Variants in ERBB4 observed in about 807,000 individuals in gnomAD.
ERBB4 encodes the protein receptor tyrosine-protein kinase erbB-4.
In ERBB4, 42 loss-of-function variants were observed where a neutral mutation model predicts 158.0. The ratio of observed to expected loss-of-function variants is 0.27; its 90% CI spans 0.21 to 0.34. The LOEUF (loss-of-function observed/expected upper bound fraction) is 0.34, where lower values mean the gene tolerates loss of function less well. Among genes scored for constraint, ERBB4 ranks in the 10% least tolerant of loss-of-function variants. ERBB4 has a pLI of 1.00. For missense variants in ERBB4, 1,333 were observed against 1,624.1 expected (o/e 0.82, Z 3.08); for synonymous variants, 583 against 558.7 (o/e 1.04, Z -0.61).
intron 20 of ERBB4, among the ~76,000 whole-genome samples, chr2:211,550,613 CTCTATATATGAATATA>C (rs1231385012): frequency 7.2e-6 from 1 of 138,398 alleles, no homozygotes; most frequent in Non-Finnish European, 1.5e-5. Context: ...AGATATCTAT[CTCTATATATGAATATA>C]TCTATATATG....
intron 1 of ERBB4, among the ~76,000 whole-genome samples, chr2:212,128,736 G>T (rs879870233): frequency 9.2e-5 from 14 of 152,208 alleles, no homozygotes; most frequent in Non-Finnish European, 1.8e-4. Flanking sequence ...TGAAATTACA[G>T]TATCATTCCT....
chr2:212,372,964 A>C (rs2090140422), intron 1 of ERBB4, among the ~76,000 whole-genome samples: 1 of 152,188 alleles, frequency 6.6e-6, no homozygotes, highest in Admixed American at 6.6e-5. Flanking sequence ...GACTGTACTG[A>C]AGAGCAAAAA....
chr2:211,985,954 T>C (rs577293501), intron 2 of ERBB4, among the ~76,000 whole-genome samples: 1 of 152,308 alleles, frequency 6.6e-6, no homozygotes, highest in South Asian at 2.1e-4. Context: ...TGTGACCTTA[T>C]TTGGAAATAG....
At chr2:211,682,093 A>ACACACAG (rs2072370842) in intron 12 of ERBB4, among the ~76,000 whole-genome samples, 2 of 75,548 alleles carry the variant, frequency 2.6e-5, no homozygotes, top group African/African-American at 9.3e-5. Context: ...CACACACACA[A>ACACACAG]TTGGCTCACA....
chr2:211,888,961 G>A (rs957362547), intron 3 of ERBB4, among the ~76,000 whole-genome samples: 147 of 150,868 alleles, frequency 9.7e-4, no homozygotes, highest in Admixed American at 2.7e-3. Flanking sequence ...AGGCAGCAGC[G>A]AGGCTGGGGG....
intron 1 of ERBB4, among the ~76,000 whole-genome samples, chr2:212,274,447 A>T (rs2106127832): frequency 6.6e-6 from 1 of 151,994 alleles, no homozygotes; most frequent in Non-Finnish European, 1.5e-5. Flanking sequence ...TGCTGAGATG[A>T]TTAGCATCAC....
At chr2:211,769,057 T>C (rs1215265313) in intron 4 of ERBB4, among the ~76,000 whole-genome samples, 2 of 152,222 alleles carry the variant, frequency 1.3e-5, no homozygotes, top group African/African-American at 4.8e-5. Flanking sequence ...TAGTCATATC[T>C]TGAATGCTTT....
At chr2:212,447,919 A>C (rs2092387082) in intron 1 of ERBB4, among the ~76,000 whole-genome samples, 1 of 152,020 alleles carries the variant, frequency 6.6e-6, no homozygotes, top group Admixed American at 6.6e-5. Flanking sequence ...CTTTCACAAA[A>C]AAAGCTCTTC....
intron 1 of ERBB4, among the ~76,000 whole-genome samples, chr2:212,128,110 G>GC (rs1368410188): frequency 6.6e-6 from 1 of 152,080 alleles, no homozygotes; most frequent in Admixed American, 6.6e-5. Context: ...CTTCCTCCAA[G>GC]CCCTTTATAC....
chr2:212,448,805 T>A (rs2092402689), intron 1 of ERBB4, among the ~76,000 whole-genome samples: 1 of 152,134 alleles, frequency 6.6e-6, no homozygotes, highest in Non-Finnish European at 1.5e-5. Context: ...ACTTTGTTTA[T>A]CCATCCCAGA....
chr2:212,008,767 T>A (rs901321389), intron 2 of ERBB4, among the ~76,000 whole-genome samples: 3 of 152,078 alleles, frequency 2.0e-5, no homozygotes, highest in Non-Finnish European at 2.9e-5. Context: ...AGTTCAAGAG[T>A]GTGAATGAAT....
intron 16 of ERBB4, among the ~76,000 whole-genome samples, chr2:211,648,693 T>A (rs1005004195): frequency 3.3e-5 from 5 of 151,830 alleles, no homozygotes; most frequent in African/African-American, 1.2e-4. Context: ...ATACACAATC[T>A]AAGATTCATA....
chr2:212,309,821 G>A (rs950618445), intron 1 of ERBB4, among the ~76,000 whole-genome samples: 1 of 150,204 alleles, frequency 6.7e-6, no homozygotes, highest in African/African-American at 2.4e-5. Context: ...TAGGACAGTT[G>A]TGTTCTTATT....
At chr2:211,983,184 AG>A (rs2125235689) in intron 2 of ERBB4, among the ~76,000 whole-genome samples, 2 of 152,326 alleles carry the variant, frequency 1.3e-5, no homozygotes, top group African/African-American at 4.8e-5. Flanking sequence ...CAAGTTAGAA[AG>A]CTGTATTAGA....
At chr2:211,829,807 G>A (rs920992174) in intron 3 of ERBB4, among the ~76,000 whole-genome samples, 15 of 151,970 alleles carry the variant, frequency 9.9e-5, no homozygotes, top group Non-Finnish European at 1.8e-4. Context: ...CCTAACATAC[G>A]CCTGCTTCTT....
rs371723869 is a variant in ERBB4 at position 212,049,275 on chromosome 2, TA to T, written c.234+75476del. Among the ~76,000 whole-genome samples the T allele has an allele frequency of 4.0e-3, 612 of 152,336 alleles. 2 individuals are homozygous for T. The highest frequency in any genetic ancestry group is 0.014 in the African/African-American group (564 of 41,580). Reference sequence around the variant, plus strand: ...TCAAACATGTAATAGGTAATATCTTTAGGGGTCACTGATGTGTGTTCAACTT... The same window carrying T: ...TCAAACATGTAATAGGTAATATCTTTGGGGTCACTGATGTGTGTTCAACTT... On this transcript the variant is annotated intron_variant, in intron 2 of 27. Coordinates refer to ENST00000342788, the MANE Select transcript of ERBB4 (RefSeq NM_005235.3).
intron 16 of ERBB4, among the ~76,000 whole-genome samples, chr2:211,641,206 A>T (rs1012154542): frequency 6.6e-6 from 1 of 152,090 alleles, no homozygotes; most frequent in African/African-American, 2.4e-5. Flanking sequence ...TTCTCTAGGA[A>T]CATTCAAAAT....
chr2:211,421,831 G>A (rs940829671), intron 24 of ERBB4, among the ~76,000 whole-genome samples, 176 bp downstream of exon 24: 1 of 151,924 alleles, frequency 6.6e-6, no homozygotes, highest in Non-Finnish European at 1.5e-5. Flanking sequence ...GGTGCTAAAA[G>A]GTGGATCTGA....
At chr2:212,136,118 A>G (rs1269277866) in intron 1 of ERBB4, among the ~76,000 whole-genome samples, 2 of 152,228 alleles carry the variant, frequency 1.3e-5, no homozygotes, top group South Asian at 4.1e-4. Flanking sequence ...CACTGTAATT[A>G]AAGCGGCAGT....
Sources: allele counts gnomAD v4.1 joint callset (sites outside exome capture counted in the v4.1 genomes callset), GRCh38; gene constraint gnomAD v4.1.1; transcripts MANE v1.5; gene names NCBI Gene and HGNC (gene_info 2026-07-23, HGNC 2026-07-21).